GHDC: variants seen among roughly 807,000 people sequenced by gnomAD.
GHDC encodes GH3 domain containing, also known as GH3 domain-containing protein.
A neutral mutation model predicts 51.5 loss-of-function variants in GHDC; 39 were observed. The ratio of observed to expected loss-of-function variants is 0.76; its 90% CI spans 0.59 to 0.99. The LOEUF (loss-of-function observed/expected upper bound fraction) is 0.99, where lower values mean the gene tolerates loss of function less well. Among genes scored for constraint, GHDC ranks in the 50% least tolerant of loss-of-function variants. The pLI is 0.00. For synonymous variants in GHDC, 282 were observed against 305.2 expected (o/e 0.92, Z 0.79); for missense variants, 610 against 672.8 (o/e 0.91, Z 1.03).
chr17:42,189,746 T>A lies in GHDC; in HGVS notation c.1550A>T (p.His517Leu). ...CTGCAGACACTGGGCCAGGTGCCTG[T>A]GCCGAAGGACCCGGGGCATCGCAGG... ...FPPAMPRVLR[H>L]RHLAQCLQER... Residue 517 changes from histidine to leucine, a missense_variant, in exon 10 of 10, where the codon CAC (histidine) becomes CTC (leucine). This residue lies in a region of GHDC where 412 missense variants were observed against 410.4 expected (regional missense o/e 1.00). Coordinates refer to ENST00000587427, the MANE Select transcript of GHDC (RefSeq NM_032484.5). 1.3e-6 allele frequency: 2 copies of A among 1,514,730 alleles called. No homozygotes were observed. Among genetic ancestry groups the A allele is most frequent in the Non-Finnish European group, 1.8e-6 (2 of 1,131,764 alleles). 93.8% of individuals were successfully genotyped at this position (1,514,730 alleles called of 1,614,324 possible).
Position 42,193,748 on chromosome 17 carries a change from G to A in GHDC, c.-14+19C>T, listed in dbSNP as rs928376933. Reference sequence around the variant, plus strand: ...GTGATGCAAAGGAGAGACTATCAAAGCTTTGGAGTCCCACTGACCTGAGTG... The same window carrying A: ...GTGATGCAAAGGAGAGACTATCAAAACTTTGGAGTCCCACTGACCTGAGTG... On this transcript the variant is annotated intron_variant, in intron 2 of 9. Transcript: ENST00000587427. The A allele has an allele frequency of 6.3e-6, 6 of 953,066 alleles. No individual in the cohort carries two copies. Among genetic ancestry groups the A allele is most frequent in the Admixed American group, 5.8e-5 (2 of 34,360 alleles). 59.0% of individuals were successfully genotyped at this position (953,066 alleles called of 1,614,324 possible). A position where few individuals can be genotyped will look rare whatever the true frequency, so the allele number is the denominator to read the frequency against.
At position 42,192,728 on chromosome 17, in the gene GHDC, A is replaced by C. The variant is rs1329708838; in HGVS notation, c.402T>G (p.Gly134=). 1.3e-6 allele frequency: 2 copies of C among 1,540,806 alleles called. No homozygotes were observed. Among genetic ancestry groups the C allele is most frequent in the Admixed American group, 2.1e-5 (1 of 48,166 alleles). ...GGTAGGCCTTGTTTAGGGCTGCCAG[A>C]CCCAGCAAGGTGGCCTGGAGGAGGA... The part of the protein sequence containing the change: ...GEASLQATLL[G]LAALNKAYPE... Residue 134 remains glycine, a synonymous_variant, in exon 5 of 10, where the codon GGT becomes GGG. Coordinates refer to ENST00000587427, the MANE Select transcript of GHDC (RefSeq NM_032484.5).
At chr17:42,190,943 C>T in intron 6 of GHDC, 40 bp from the exon 7 acceptor site, 1 of 1,583,868 alleles carries the variant, frequency 6.3e-7, no homozygotes, top group South Asian at 1.1e-5. Flanking sequence ...GGCCCAAGGT[C>T]TTCTGAGCTC....
chr17:42,189,312 A>C lies in GHDC; in HGVS notation c.*391T>G. The C allele has an allele frequency of 2.5e-6, 1 of 394,858 alleles. No homozygotes were observed. The allele number at this position is 394,858 out of a possible 1,614,324, so 24.5% of individuals were successfully genotyped here. A position where few individuals can be genotyped will look rare whatever the true frequency, so the allele number is the denominator to read the frequency against. ...GAAGCTGAGGTCCTGCTCCTTATTG[A>C]CTCAGGGTTGCTGCTCCTGGGGACA... On this transcript the variant is annotated 3_prime_UTR_variant, in exon 10 of 10. Transcript: ENST00000587427.
In GHDC at chr17:42,189,913, G is replaced by A; in HGVS notation, c.1383C>T (p.His461=). Residue 461 remains histidine (H), a synonymous_variant, in exon 10 of 10, where the codon CAC becomes CAT. Coordinates refer to ENST00000587427, the MANE Select transcript of GHDC (RefSeq NM_032484.5). ...LSEENRDKLD[H]CLQEASPRYK... ...AGCGGGGAGAGGCTTCCTGAAGGCA[G>A]TGGTCCAGCTGGGAACAGAACAGCC... 6.5e-7 allele frequency: 1 copy of A among 1,536,206 alleles called. No individual in the cohort carries two copies. Among genetic ancestry groups the A allele is most frequent in the Non-Finnish European group, 8.8e-7 (1 of 1,140,410 alleles).
rs2079959867 is a variant in GHDC at position 42,190,556 on chromosome 17, C to G, written c.1288+68G>C. 12 of 1,545,968 alleles carry G rather than the reference C, an allele frequency of 7.8e-6. No individual in the cohort carries two copies. The South Asian group carries it at 1.3e-4, about 17-fold the overall frequency. ...GGCTTATCTCTTTCCTAGCAGTCCC[C>G]TGGCAGGGGAGGTAGGAGTTGAAGG... On this transcript the variant is annotated intron_variant, in intron 8 of 9. Coordinates refer to ENST00000587427, the MANE Select transcript of GHDC (RefSeq NM_032484.5).
intron 5 of GHDC, among the ~76,000 whole-genome samples, chr17:42,191,583 G>A (rs1263971580): frequency 2.6e-5 from 4 of 151,214 alleles, no homozygotes; most frequent in African/African-American, 4.9e-5. Flanking sequence ...TGAGCCTCCT[G>A]AGTAGCTGAG....
intron 5 of GHDC, 21 bp downstream of exon 5, chr17:42,192,220 C>G: frequency 6.6e-7 from 1 of 1,516,934 alleles, no homozygotes; most frequent in Non-Finnish European, 8.8e-7. Context: ...CCCCACCTCA[C>G]TGCCCTTGAG....
In GHDC at chr17:42,192,633, C is replaced by A. The variant is rs1428122427; in HGVS notation, c.497G>T (p.Trp166Leu). 1 of 1,612,442 alleles carries A rather than the reference C, an allele frequency of 6.2e-7. No individual in the cohort carries two copies. Among genetic ancestry groups the A allele is most frequent in the Non-Finnish European group, 8.5e-7 (1 of 1,179,370 alleles). ...CACCTGGCCCAGGGTATTCCCAGGC[C>A]AAGGCAGGGGTCGGGGCCAAGGGGA... Reference protein sequence around the residue: ...LTSPWPRPLPWPGNTLGQVGT... With the variant: ...LTSPWPRPLPLPGNTLGQVGT... Residue 166 changes from tryptophan (W) to leucine (L), a missense_variant, in exon 5 of 10, where the codon TGG (tryptophan) becomes TTG (leucine). This residue lies in a region of GHDC where 198 missense variants were observed against 262.3 expected (regional missense o/e 0.75). Transcript: ENST00000587427.
intron 5 of GHDC, 40 bp from the exon 6 acceptor site, chr17:42,191,250 C>A: frequency 6.8e-7 from 1 of 1,462,882 alleles, no homozygotes; most frequent in South Asian, 1.5e-5. Flanking sequence ...CTGCTGGTGC[C>A]ATCGCTTTCT....
Position 42,192,730 on chromosome 17 carries a change from C to G in GHDC, c.400G>C (p.Gly134Arg). The G allele has an allele frequency of 6.5e-7, 1 of 1,538,498 alleles. No individual in the cohort carries two copies. Among genetic ancestry groups the G allele is most frequent in the Non-Finnish European group, 8.7e-7 (1 of 1,146,344 alleles). Reference protein sequence around the residue: ...GEASLQATLLGLAALNKAYPE... With the variant: ...GEASLQATLLRLAALNKAYPE... ...TAGGCCTTGTTTAGGGCTGCCAGAC[C>G]CAGCAAGGTGGCCTGGAGGAGGAAA... The change falls in exon 5 of 10, where the codon GGT (glycine) becomes CGT (arginine). Residue 134 changes from glycine to arginine, a missense_variant. Physicochemically the swap from Gly to Arg is moderately radical, Grantham distance 125. Coordinates refer to ENST00000587427, the MANE Select transcript of GHDC (RefSeq NM_032484.5).
Position 42,192,483 on chromosome 17 carries a change from T to C in GHDC, c.647A>G (p.Asp216Gly), listed in dbSNP as rs754912649. 6.2e-7 allele frequency: 1 copy of C among 1,613,648 alleles called. No homozygotes were observed. The highest frequency in any genetic ancestry group is 8.5e-7 in the Non-Finnish European group (1 of 1,180,012). Residue 216 changes from aspartate to glycine, a missense_variant, in exon 5 of 10, where the codon GAT (aspartate) becomes GGT (glycine). Transcript: ENST00000587427. ...TATCGCCCCAGCTAGCTCTTCACCA[T>C]CAGTCTCCAGGCCCAAGAAAACATC... ...LLDVFLGLET[D>G]GEELAGAIAA...
Position 42,193,018 on chromosome 17 carries a change from G to T in GHDC, c.275C>A (p.Thr92Asn), listed in dbSNP as rs762616981. Residue 92 changes from threonine (T) to asparagine (N), a missense_variant, in exon 4 of 10, where the codon ACC becomes AAC. Thr to Asn is a moderately conservative substitution (Grantham distance 65). This residue lies in a region of GHDC where 198 missense variants were observed against 262.3 expected (regional missense o/e 0.75). Coordinates refer to ENST00000587427, the MANE Select transcript of GHDC (RefSeq NM_032484.5). ...CSLRRSTDIS[T>N]FRNHLPLTKA... Reference sequence around the variant, plus strand: ...GGTCAGAGGGAGATGATTCCGGAAGGTGCTTATGTCTATAGCCCCAATGAC... The same window carrying T: ...GGTCAGAGGGAGATGATTCCGGAAGTTGCTTATGTCTATAGCCCCAATGAC... 1.8e-5 allele frequency: 29 copies of T among 1,614,026 alleles called. No individual in the cohort carries two copies. The highest frequency in any genetic ancestry group is 2.5e-5 in the Non-Finnish European group (29 of 1,180,046).
Position 42,193,321 on chromosome 17 carries a change from G to A in GHDC, c.261C>T (p.Ser87=). The change falls in exon 3 of 10, where the codon AGC becomes AGT. Residue 87 remains serine (S), a synonymous_variant. Coordinates refer to ENST00000587427, the MANE Select transcript of GHDC (RefSeq NM_032484.5). ...AQRPHCSLRR[S]TDISTFRNHL... The stretch of plus-strand genomic sequence containing the variant: ...CCCAGACCCTGGGAAACACACCTGT[G>A]CTCCTTCTGAGGGAACAGTGGGGGC... The A allele has an allele frequency of 6.3e-7, 1 of 1,599,618 alleles. No homozygotes were observed. Among genetic ancestry groups the A allele is most frequent in the East Asian group, 2.2e-5 (1 of 44,516 alleles).
At chr17:42,194,270 A>G (rs1363049185) in intron 1 of GHDC, 123 bp downstream of exon 1, 1 of 152,274 alleles carries the variant, frequency 6.6e-6, no homozygotes, top group African/African-American at 2.4e-5. Flanking sequence ...TCGGGCACAC[A>G]GCAGCTGCGT....
rs1003514445 is a variant in GHDC, at chr17:42,194,450, T to G, written c.-155A>C. On this transcript the variant is annotated 5_prime_UTR_variant, in exon 1 of 10. Coordinates refer to ENST00000587427, the MANE Select transcript of GHDC (RefSeq NM_032484.5). ...CGTGACGGAGACCCCTGGGTGACTCTGGGTCTCAGCACACATCCGGCCAGA... is the reference window on the plus strand; with the variant it reads ...CGTGACGGAGACCCCTGGGTGACTCGGGGTCTCAGCACACATCCGGCCAGA... The G allele has an allele frequency of 2.6e-5, 4 of 152,402 alleles. No homozygotes were observed. The highest frequency in any genetic ancestry group is 9.7e-5 in the African/African-American group (4 of 41,444). 9.4% of individuals were successfully genotyped at this position (152,402 alleles called of 1,614,324 possible).
At chr17:42,193,261 G>C (rs550358076) in intron 3 of GHDC, 56 bp downstream of exon 3, 1 of 1,521,002 alleles carries the variant, frequency 6.6e-7, no homozygotes, top group Non-Finnish European at 8.8e-7. Context: ...GGAATCTGAC[G>C]GTCCTGTGGG....
intron 3 of GHDC, 72 bp from the exon 4 acceptor site, chr17:42,193,099 A>T (rs2079982578): frequency 1.9e-6 from 3 of 1,607,324 alleles, no homozygotes; most frequent in Non-Finnish European, 2.6e-6. Context: ...GACTGGTGAG[A>T]CCCTTGAGGG....
At chr17:42,193,067 G>C in intron 3 of GHDC, 40 bp from the exon 4 acceptor site, 1 of 1,613,948 alleles carries the variant, frequency 6.2e-7, no homozygotes, top group Non-Finnish European at 8.5e-7. Context: ...CAGGAAGCCA[G>C]TTTCCCAAGA....
Sources: gnomAD v4.1 joint callset for allele counts (sites outside exome capture counted in the v4.1 genomes callset) on GRCh38, gnomAD v4.1.1 for gene constraint, gnomAD v4.1.1 regional missense constraint, MANE v1.5 for transcripts, NCBI Gene and HGNC (gene_info 2026-07-23, HGNC 2026-07-21) for gene names.